MMS19: variants seen among roughly 807,000 people sequenced by gnomAD.
The protein encoded by MMS19 is MMS19 cytosolic iron-sulfur assembly component, also known as MMS19 nucleotide excision repair protein homolog.
MMS19 carries 77 observed loss-of-function variants against 129.8 expected under a neutral mutation model. The ratio of observed to expected loss-of-function variants is 0.59; its 90% CI spans 0.49 to 0.72. The LOEUF (loss-of-function observed/expected upper bound fraction) is 0.72. Among genes scored for constraint, MMS19 ranks in the 30% least tolerant of loss-of-function variants. The pLI is 0.00. For synonymous variants in MMS19, 491 were observed against 502.8 expected (o/e 0.98, Z 0.31); for missense variants, 1,168 against 1,266.3 (o/e 0.92, Z 1.18).
At chr10:97,473,817 A>C (rs2035232174) in intron 8 of MMS19, among the ~76,000 whole-genome samples, 1 of 152,088 alleles carries the variant, frequency 6.6e-6, no homozygotes, top group Non-Finnish European at 1.5e-5. Context: ...TGAGGAGACC[A>C]TATGACCCAC....
chr10:97,490,493 T>G (rs2038687615), intron 1 of MMS19, among the ~76,000 whole-genome samples: 1 of 152,210 alleles, frequency 6.6e-6, no homozygotes, highest in Non-Finnish European at 1.5e-5. Flanking sequence ...TCATAAGGCT[T>G]TGGTTCACAT....
Position 97,460,690 on chromosome 10 carries a change from C to T in MMS19, c.2469+5G>A, listed in dbSNP as rs368652392. On this transcript the variant is annotated splice_donor_5th_base_variant and intron_variant, in intron 25 of 30. Transcript: ENST00000438925. Reference sequence around the variant, plus strand: ...TGGGTTCTTCTGTCTCCAGAAAGGACGTACCCGGGCTGTAAGGCAGGAGCT... The same window carrying T: ...TGGGTTCTTCTGTCTCCAGAAAGGATGTACCCGGGCTGTAAGGCAGGAGCT... 8 of 1,587,710 alleles carry T rather than the reference C, an allele frequency of 5.0e-6. No homozygotes were observed. The highest frequency in any genetic ancestry group is 1.3e-5 in the African/African-American group (1 of 74,428).
intron 8 of MMS19, among the ~76,000 whole-genome samples, chr10:97,472,254 T>C (rs556854407): frequency 1.6e-3 from 243 of 152,368 alleles, no homozygotes; most frequent in Non-Finnish European, 2.9e-3. Context: ...TATTTATTTA[T>C]TTGAGATGGA....
At chr10:97,461,428 G>C in intron 23 of MMS19, 68 bp downstream of exon 23, 1 of 1,545,990 alleles carries the variant, frequency 6.5e-7, no homozygotes, top group Non-Finnish European at 8.8e-7. Context: ...AAGAGAATGA[G>C]TACTGAGCTA....
At chr10:97,473,954 GCAA>G (rs1448766002) in intron 8 of MMS19, among the ~76,000 whole-genome samples, 2 of 151,842 alleles carry the variant, frequency 1.3e-5, no homozygotes, top group Non-Finnish European at 2.9e-5. Context: ...ACCAGCCTGG[GCAA>G]CATGGCAAAA....
At chr10:97,474,109 T>A (rs1220768137) in intron 8 of MMS19, among the ~76,000 whole-genome samples, 1 of 140,700 alleles carries the variant, frequency 7.1e-6, no homozygotes, top group Non-Finnish European at 1.5e-5. Flanking sequence ...GCTGTGATGG[T>A]GCCACTACAC....
chr10:97,464,069 T>G (rs1012460828), intron 18 of MMS19, 56 bp from the exon 19 acceptor site: 7 of 1,520,496 alleles, frequency 4.6e-6, no homozygotes, highest in Non-Finnish European at 6.3e-6. Context: ...TTCAGGTGTT[T>G]CCAATTACAC....
intron 1 of MMS19, among the ~76,000 whole-genome samples, chr10:97,491,636 G>C (rs528209391): frequency 6.6e-6 from 1 of 152,334 alleles, no homozygotes; most frequent in African/African-American, 2.4e-5. Context: ...GGGCGATAGA[G>C]CGAGACTCCG....
At chr10:97,476,642 A>C in intron 8 of MMS19, 41 bp downstream of exon 8, 1 of 1,598,474 alleles carries the variant, frequency 6.3e-7, no homozygotes, top group Non-Finnish European at 8.6e-7. Flanking sequence ...CATAGCAGAC[A>C]CTCAATAAAT....
Position 97,460,244 on chromosome 10 carries a change from AG to A in MMS19, c.2470-13del. ...AGGAGGCCCATGAGCTGGAGAAAAA[AG>A]AGCCTTTGAGGTACATCAGGGAAGA... On this transcript the variant is annotated splice_polypyrimidine_tract_variant and intron_variant, in intron 25 of 30. Transcript: ENST00000438925. The A allele has an allele frequency of 6.2e-7, 1 of 1,607,772 alleles. No homozygotes were observed. Among genetic ancestry groups the A allele is most frequent in the South Asian group, 1.1e-5 (1 of 90,654 alleles).
rs769879761 is a variant in MMS19 at position 97,462,655 on chromosome 10, A to G, written c.1940T>C (p.Val647Ala). The change falls in exon 20 of 31, where the codon GTA becomes GCA. Residue 647 changes from valine to alanine, a missense_variant. Transcript: ENST00000438925. ...AGCCAACACCTCATCCTCCAATAGT[A>G]CTTTTCTCAGAACTGAGGGCTCCTT... ...PEKEPSVLRK[V>A]LLEDEVLAAM... 4.3e-6 allele frequency: 7 copies of G among 1,613,740 alleles called. No homozygotes were observed. The highest frequency in any genetic ancestry group is 5.1e-6 in the Non-Finnish European group (6 of 1,179,840).
At position 97,468,279 on chromosome 10, in the gene MMS19, C is replaced by G; in HGVS notation, c.1191G>C (p.Leu397=). The change falls in exon 13 of 31, where the codon CTG becomes CTC. Residue 397 remains leucine, a synonymous_variant. Transcript: ENST00000438925. Reference sequence around the variant, plus strand: ...GACTGTGCTTGTGGAACTGTTCCAGCAGTAAAGGCAGTACATTGCTGGTGA... The same window carrying G: ...GACTGTGCTTGTGGAACTGTTCCAGGAGTAAAGGCAGTACATTGCTGGTGA... ...DSVTSNVLPL[L]LEQFHKHSQS... The G allele has an allele frequency of 6.2e-7, 1 of 1,600,690 alleles. No individual in the cohort carries two copies. The highest frequency in any genetic ancestry group is 8.5e-7 in the Non-Finnish European group (1 of 1,171,556).
At chr10:97,491,202 C>A (rs2038810799) in intron 1 of MMS19, among the ~76,000 whole-genome samples, 4 of 152,276 alleles carry the variant, frequency 2.6e-5, no homozygotes, top group East Asian at 3.9e-4. Flanking sequence ...AGGGGACTAA[C>A]AACTGTTAAT....
At chr10:97,498,430 G>T (rs747938143), upstream of MMS19, 1 of 1,557,282 alleles carries the variant, frequency 6.4e-7, no homozygotes, top group South Asian at 1.2e-5. Flanking sequence ...GGTGGCTCGA[G>T]ACGGGCTCTC....
At chr10:97,463,013 T>C (rs2032444051) in intron 19 of MMS19, 3 of 282,488 alleles carry the variant, frequency 1.1e-5, no homozygotes, top group East Asian at 8.2e-5. Context: ...GAAAAAAAAA[T>C]AGTAATGTTG....
At chr10:97,459,063 A>G (rs1050733545) in intron 29 of MMS19, among the ~76,000 whole-genome samples, 160 bp downstream of exon 29, 5 of 152,044 alleles carry the variant, frequency 3.3e-5, no homozygotes, top group African/African-American at 1.2e-4. Flanking sequence ...TCTGGGCCCA[A>G]GGAAAAGAAT....
chr10:97,461,828 A>G lies in MMS19; in HGVS notation c.2184T>C (p.Asn728=). The change falls in exon 22 of 31, where the codon AAT becomes AAC. Residue 728 remains asparagine, a splice_region_variant and synonymous_variant. Coordinates refer to ENST00000438925, the MANE Select transcript of MMS19 (RefSeq NM_022362.5). Reference sequence around the variant, plus strand: ...GTACTTCCCAAATGTGCTCACTTACATTTCGAGGCAGGGAGCAGACAAAGG... The same window carrying G: ...GTACTTCCCAAATGTGCTCACTTACGTTTCGAGGCAGGGAGCAGACAAAGG... ...LMAFVCSLPR[N]VEIPQLNQLM... is the part of the protein sequence containing the mutation. 6.2e-7 allele frequency: 1 copy of G among 1,608,068 alleles called. No homozygotes were observed. Among genetic ancestry groups the G allele is most frequent in the Non-Finnish European group, 8.5e-7 (1 of 1,177,308 alleles).
At position 97,461,884 on chromosome 10, in the gene MMS19, C is replaced by A. The variant is rs530804069; in HGVS notation, c.2128G>T (p.Gly710Trp). 11 of 1,605,954 alleles carry A rather than the reference C, an allele frequency of 6.8e-6. No individual in the cohort carries two copies. In the South Asian group the frequency reaches 1.0e-4, roughly 15 times the overall value. ...AGCAGTGCAATCAGCCGCCTCTGCC[C>A]TGAGGAGCCATCCTATAAAGGAAGG... ...RFQPFQDGSSGQRRLIALLMA... is the reference protein window; with the variant it reads ...RFQPFQDGSSWQRRLIALLMA... The change falls in exon 22 of 31, where the codon GGG becomes TGG. Residue 710 changes from glycine (G) to tryptophan (W), a missense_variant. Around this residue, in one of 3 missense-constraint regions of MMS19, gnomAD observed 831 missense variants for 910.8 expected, o/e 0.91. Coordinates refer to ENST00000438925, the MANE Select transcript of MMS19 (RefSeq NM_022362.5).
Position 97,469,063 on chromosome 10 carries a change from C to G in MMS19, c.966G>C (p.Leu322=), listed in dbSNP as rs758835875. The G allele has an allele frequency of 3.8e-6, 6 of 1,582,376 alleles. No individual in the cohort carries two copies. In the South Asian group the frequency reaches 4.6e-5, roughly 12 times the overall value. ...ACGCAGTCAGGGAGTGGAGGGCCGC[C>G]AGGCCCTCTGCCTCCACCCGCTCAC... ...TASERVEAEG[L]AALHSLTACL... Residue 322 remains leucine (L), a synonymous_variant, in exon 12 of 31, where the codon CTG becomes CTC. Transcript: ENST00000438925.
Sources: gnomAD v4.1 joint callset for allele counts (sites outside exome capture counted in the v4.1 genomes callset) on GRCh38, gnomAD v4.1.1 for gene constraint, gnomAD v4.1.1 regional missense constraint, MANE v1.5 for transcripts, NCBI Gene and HGNC (gene_info 2026-07-23, HGNC 2026-07-21) for gene names.